Variants in ERG observed in about 807,000 individuals in gnomAD.
ERG encodes transcriptional regulator ERG.
Under a neutral mutation model 55.3 loss-of-function variants are expected in ERG, and 9 were observed. That is an observed-to-expected ratio of 0.16 (90% CI 0.10 to 0.28). ERG has a LOEUF of 0.28. Among genes scored for constraint, ERG ranks in the 10% least tolerant of loss-of-function variants. The pLI is 1.00. For synonymous variants in ERG, 223 were observed against 237.3 expected (o/e 0.94, Z 0.55); for missense variants, 434 against 631.6 (o/e 0.69, Z 3.35).
At chr21:38,630,303 G>T (rs1019567933) in intron 1 of ERG, among the ~76,000 whole-genome samples, 5 of 152,066 alleles carry the variant, frequency 3.3e-5, no homozygotes, top group Non-Finnish European at 5.9e-5. Flanking sequence ...TGTTAATAAT[G>T]GTGGCTTAAA....
At chr21:38,643,638 C>G (rs923691714) in intron 1 of ERG, among the ~76,000 whole-genome samples, 5 of 152,168 alleles carry the variant, frequency 3.3e-5, no homozygotes, top group African/African-American at 1.2e-4. Context: ...ACCACAGGGG[C>G]AACACTCACA....
chr21:38,431,643 CAA>C (rs752631062), intron 2 of ERG, among the ~76,000 whole-genome samples: 6 of 152,130 alleles, frequency 3.9e-5, no homozygotes, highest in Non-Finnish European at 7.3e-5. Context: ...CTAGCCAAAG[CAA>C]AGACACAAGT....
intron 3 of ERG, among the ~76,000 whole-genome samples, chr21:38,408,683 C>T (rs866356085): frequency 4.6e-5 from 7 of 152,294 alleles, no homozygotes; most frequent in Middle Eastern, 3.4e-3. Context: ...GTCTCCTCCA[C>T]ACTCCATGGT....
chr21:38,503,432 T>C (rs761184498), upstream of ERG, among the ~76,000 whole-genome samples: 6 of 151,938 alleles, frequency 3.9e-5, no homozygotes, highest in African/African-American at 1.5e-4. Context: ...AGGCCATCTA[T>C]GCGGCATTAA....
At chr21:38,589,999 T>G (rs2060090039) in intron 1 of ERG, among the ~76,000 whole-genome samples, 1 of 152,238 alleles carries the variant, frequency 6.6e-6, no homozygotes, top group Non-Finnish European at 1.5e-5. Context: ...ACGCTGAGTA[T>G]GCTCTTCAGT....
downstream of ERG, among the ~76,000 whole-genome samples, chr21:38,376,246 T>G (rs1031805872): frequency 6.6e-6 from 1 of 151,994 alleles, no homozygotes; most frequent in African/African-American, 2.4e-5. Flanking sequence ...GGTTAGAAAA[T>G]ATGATGAGGG....
intron 3 of ERG, among the ~76,000 whole-genome samples, chr21:38,414,517 AC>A (rs1315946510): frequency 6.6e-6 from 1 of 152,242 alleles, no homozygotes; most frequent in African/African-American, 2.4e-5. Flanking sequence ...GAAGAACTGC[AC>A]TTTTTATCCC....
chr21:38,441,464 G>C (rs1361365486), intron 2 of ERG, among the ~76,000 whole-genome samples: 1 of 152,124 alleles, frequency 6.6e-6, no homozygotes, highest in Non-Finnish European at 1.5e-5. Flanking sequence ...GCAGATCTCA[G>C]ACCTGCCCAC....
the ERG span, among the ~76,000 whole-genome samples, chr21:38,370,512 A>C: frequency 6.6e-6 from 1 of 152,118 alleles, no homozygotes; most frequent in East Asian, 1.9e-4. Context: ...CCTCAAGGTC[A>C]TATTCTCCTG....
chr21:38,652,633 A>G (rs2060494975), intron 1 of ERG, among the ~76,000 whole-genome samples: 1 of 152,222 alleles, frequency 6.6e-6, no homozygotes, highest in African/African-American at 2.4e-5. Context: ...AAATGCTCAG[A>G]CAATGACTCC....
chr21:38,419,153 G>T (rs145663454), intron 3 of ERG, among the ~76,000 whole-genome samples: 1 of 151,950 alleles, frequency 6.6e-6, no homozygotes, highest in Non-Finnish European at 1.5e-5. Flanking sequence ...ACAGATACTC[G>T]CACCAAATAC....
intron 2 of ERG, among the ~76,000 whole-genome samples, chr21:38,538,116 GC>G (rs1284713894): frequency 6.6e-6 from 1 of 152,220 alleles, no homozygotes; most frequent in East Asian, 1.9e-4. Flanking sequence ...GTTACCTAGG[GC>G]AGTCAAATTC....
intron 1 of ERG, among the ~76,000 whole-genome samples, chr21:38,584,613 G>A (rs1035483489): frequency 3.3e-5 from 5 of 152,210 alleles, no homozygotes; most frequent in Non-Finnish European, 7.3e-5. Context: ...ACACTGTAGG[G>A]CCAGGAACAG....
At chr21:38,624,511 C>A (rs1186521642) in intron 1 of ERG, among the ~76,000 whole-genome samples, 6 of 152,196 alleles carry the variant, frequency 3.9e-5, no homozygotes, top group African/African-American at 1.4e-4. Context: ...CTCCTGCCTG[C>A]CCCTTAGACA....
At chr21:38,549,821 C>T (rs958943849) in intron 2 of ERG, among the ~76,000 whole-genome samples, 4 of 152,084 alleles carry the variant, frequency 2.6e-5, no homozygotes, top group South Asian at 2.1e-4. Context: ...AAACCTGGGG[C>T]GGTGAGAGTG....
intron 2 of ERG, among the ~76,000 whole-genome samples, chr21:38,437,362 C>A (rs955647186): frequency 3.3e-5 from 5 of 152,210 alleles, no homozygotes; most frequent in Non-Finnish European, 2.9e-5. Flanking sequence ...GGGCGCTGCC[C>A]TGTGTACTGC....
chr21:38,438,759 T>C (rs1408130886), intron 2 of ERG, among the ~76,000 whole-genome samples: 1 of 152,224 alleles, frequency 6.6e-6, no homozygotes, highest in Non-Finnish European at 1.5e-5. Context: ...TCCCAGATCA[T>C]TCGCTGGGTG....
At chr21:38,617,685 T>G (rs2060266687) in intron 1 of ERG, among the ~76,000 whole-genome samples, 1 of 152,124 alleles carries the variant, frequency 6.6e-6, no homozygotes, top group Non-Finnish European at 1.5e-5. Flanking sequence ...CTATTCCAAG[T>G]ACTAACTCAA....
chr21:38,462,376 T>C (rs2059051897), intron 1 of ERG, among the ~76,000 whole-genome samples: 1 of 152,240 alleles, frequency 6.6e-6, no homozygotes, highest in African/African-American at 2.4e-5. Flanking sequence ...TACACAATTT[T>C]TTTTTAAGAA....
Sources: gnomAD v4.1 joint callset for allele counts (sites outside exome capture counted in the v4.1 genomes callset) on GRCh38, gnomAD v4.1.1 for gene constraint, MANE v1.5 for transcripts, NCBI Gene and HGNC (gene_info 2026-07-23, HGNC 2026-07-21) for gene names.